Variants in KIAA0586 observed in about 807,000 individuals in gnomAD.
KIAA0586 encodes KIAA0586, also known as protein TALPID3.
KIAA0586 carries 144 observed loss-of-function variants against 169.8 expected under a neutral mutation model. That is an observed-to-expected ratio of 0.85 (90% CI 0.74 to 0.97). The LOEUF (loss-of-function observed/expected upper bound fraction) is 0.97, where lower values mean the gene tolerates loss of function less well. Ranked by LOEUF, KIAA0586 falls within the 50% of genes least tolerant of loss-of-function variation. The pLI is 0.00. For missense variants in KIAA0586, 1,854 were observed against 1,823.0 expected (o/e 1.02, Z -0.31); for synonymous variants, 625 against 612.4 (o/e 1.02, Z -0.30).
In KIAA0586 at chr14:58,548,748, G is replaced by A. The variant is rs2047127704; in HGVS notation, c.*816G>A. 6.6e-6 allele frequency: 1 copy of A among 152,106 alleles called. No individual in the cohort carries two copies. The highest frequency in any genetic ancestry group is 2.4e-5 in the African/African-American group (1 of 41,392). The allele number at this position is 152,106 out of a possible 1,614,324, so 9.4% of individuals were successfully genotyped here. A position where few individuals can be genotyped will look rare whatever the true frequency, so the allele number is the denominator to read the frequency against. On this transcript the variant is annotated 3_prime_UTR_variant, in exon 31 of 31. Coordinates refer to ENST00000652326, the MANE Select transcript of KIAA0586 (RefSeq NM_001329943.3). ...ATACCATATAAACCTTTATAAACCT[G>A]TGAAACATGTAACTCTATTACCTTT...
At chr14:58,537,982 T>A (rs942882356) in intron 29 of KIAA0586, among the ~76,000 whole-genome samples, 9 of 152,090 alleles carry the variant, frequency 5.9e-5, no homozygotes, top group Admixed American at 1.3e-4. Flanking sequence ...AAAGATTTTT[T>A]AAAATTGTAT....
intron 21 of KIAA0586, among the ~76,000 whole-genome samples, chr14:58,483,723 T>C (rs2042188847): frequency 6.6e-6 from 1 of 152,208 alleles, no homozygotes. Flanking sequence ...TAATCTATTA[T>C]AGCAATATGA....
At position 58,444,052 on chromosome 14, in the gene KIAA0586, A is replaced by G; in HGVS notation, c.684A>G (p.Gln228=). 6.2e-7 allele frequency: 1 copy of G among 1,613,248 alleles called. No homozygotes were observed. Among genetic ancestry groups the G allele is most frequent in the Non-Finnish European group, 8.5e-7 (1 of 1,179,390 alleles). ...ACCTGCAACGTGTTACAGAGCAGCA[A>G]ACAAGCATTCAGAGGAAACAAGAGA... ...DKHLQRVTEQ[Q]TSIQRKQEKL... The change falls in exon 6 of 31, where the codon CAA becomes CAG. Residue 228 remains glutamine, a synonymous_variant. Coordinates refer to ENST00000652326, the MANE Select transcript of KIAA0586 (RefSeq NM_001329943.3).
intron 4 of KIAA0586, chr14:58,441,234 C>A: frequency 3.0e-6 from 1 of 329,822 alleles, no homozygotes; most frequent in Non-Finnish European, 6.2e-6. Flanking sequence ...CTCACTTTGT[C>A]TCACAGGCTG....
intron 8 of KIAA0586, among the ~76,000 whole-genome samples, chr14:58,451,142 CCAT>C (rs2039344106): frequency 1.3e-5 from 2 of 152,128 alleles, no homozygotes; most frequent in Middle Eastern, 6.8e-3. Context: ...GCGCCCACCA[CCAT>C]ACCTGGTTAA....
At chr14:58,558,099 C>T in the KIAA0586 span, among the ~76,000 whole-genome samples, 2 of 151,488 alleles carry the variant, frequency 1.3e-5, no homozygotes, top group African/African-American at 4.9e-5. Context: ...TTAGTTGAGA[C>T]AGGGTTTCAC....
chr14:58,558,683 A>G, the KIAA0586 span, among the ~76,000 whole-genome samples: 1 of 152,358 alleles, frequency 6.6e-6, no homozygotes, highest in South Asian at 2.1e-4. Flanking sequence ...CATGGAGGGA[A>G]TGGAAGACAA....
intron 16 of KIAA0586, among the ~76,000 whole-genome samples, chr14:58,468,853 C>T (rs922499781): frequency 6.6e-6 from 1 of 152,206 alleles, no homozygotes; most frequent in Non-Finnish European, 1.5e-5. Context: ...CACTCCAGTC[C>T]TTAGACTGCT....
chr14:58,455,854 T>C (rs1196503096), intron 9 of KIAA0586, among the ~76,000 whole-genome samples: 1 of 152,196 alleles, frequency 6.6e-6, no homozygotes, highest in Non-Finnish European at 1.5e-5. Flanking sequence ...GGCATGTACA[T>C]AGCCCTGTAT....
At chr14:58,452,511 A>T (rs1467995838) in intron 8 of KIAA0586, among the ~76,000 whole-genome samples, 1 of 152,240 alleles carries the variant, frequency 6.6e-6, no homozygotes, top group Non-Finnish European at 1.5e-5. Context: ...TACTACATAC[A>T]AACAAGGCTA....
intron 29 of KIAA0586, among the ~76,000 whole-genome samples, chr14:58,514,048 T>G (rs1263765168): frequency 6.6e-6 from 1 of 152,030 alleles, no homozygotes; most frequent in East Asian, 1.9e-4. Flanking sequence ...CTAAAACAAA[T>G]AAATACCAGT....
intron 9 of KIAA0586, among the ~76,000 whole-genome samples, chr14:58,453,817 G>T (rs926168009): frequency 2.7e-4 from 41 of 152,156 alleles, no homozygotes; most frequent in Middle Eastern, 3.4e-3. Context: ...AATGATTGTT[G>T]TAGTTAAATA....
At chr14:58,526,195 C>T (rs1297395276) in intron 29 of KIAA0586, among the ~76,000 whole-genome samples, 3 of 152,236 alleles carry the variant, frequency 2.0e-5, no homozygotes, top group East Asian at 1.9e-4. Flanking sequence ...CCCAGCATAG[C>T]GCTCAAGCTT....
In KIAA0586 at chr14:58,541,519, T is replaced by A. The variant is rs114526905; in HGVS notation, c.4495+1383T>A. Reference sequence around the variant, plus strand: ...AGTCTGGTAAGTGCTGCAATCAGAATAAGACAGCCACAATTAACAGGAGAG... The same window carrying A: ...AGTCTGGTAAGTGCTGCAATCAGAAAAAGACAGCCACAATTAACAGGAGAG... On this transcript the variant is annotated intron_variant, in intron 30 of 30. Coordinates refer to ENST00000652326, the MANE Select transcript of KIAA0586 (RefSeq NM_001329943.3). Among the ~76,000 whole-genome samples the A allele has an allele frequency of 9.1e-3, 1,381 of 152,230 alleles. 21 individuals are homozygous for A. The highest frequency in any genetic ancestry group is 0.032 in the African/African-American group (1,312 of 41,520).
At chr14:58,556,199 G>C (rs1017244604), downstream of KIAA0586, among the ~76,000 whole-genome samples, 13 of 152,180 alleles carry the variant, frequency 8.5e-5, no homozygotes, top group Non-Finnish European at 1.9e-4. Context: ...CTTTGCCAAA[G>C]TGCAAGACCA....
At chr14:58,537,280 C>G (rs541509223) in intron 29 of KIAA0586, 1 of 634,622 alleles carries the variant, frequency 1.6e-6, no homozygotes, top group African/African-American at 2.0e-5. Flanking sequence ...AGATCCTCCC[C>G]CAGTTTTGAC....
At chr14:58,484,078 GAA>G (rs949139582) in intron 21 of KIAA0586, among the ~76,000 whole-genome samples, 1 of 152,108 alleles carries the variant, frequency 6.6e-6, no homozygotes, top group African/African-American at 2.4e-5. Flanking sequence ...GATTGGATGA[GAA>G]AATGTGGGAA....
Position 58,492,199 on chromosome 14 carries a change from A to G in KIAA0586, c.3914A>G (p.His1305Arg), listed in dbSNP as rs966912655. ...QVIRMSHKKF[H>R]ADAILSFAKQ... ...ATTAGGATGTCCCATAAAAAATTTC[A>G]TGCAGATGCAATTCTTTCTTTTGCT... The change falls in exon 26 of 31, where the codon CAT becomes CGT. Residue 1305 changes from histidine (H) to arginine (R), a missense_variant. By Grantham distance (29) the His-to-Arg change is conservative. Transcript: ENST00000652326. 8 of 1,550,316 alleles carry G rather than the reference A, an allele frequency of 5.2e-6. No homozygotes were observed. Among genetic ancestry groups the G allele is most frequent in the African/African-American group, 1.4e-5 (1 of 73,012 alleles).
intron 25 of KIAA0586, among the ~76,000 whole-genome samples, chr14:58,491,111 A>G (rs1216090089): frequency 6.6e-6 from 1 of 152,206 alleles, no homozygotes; most frequent in Non-Finnish European, 1.5e-5. Flanking sequence ...TCAGAGAAGC[A>G]TTACTAACAT....
Sources: gnomAD v4.1 joint callset for allele counts (sites outside exome capture counted in the v4.1 genomes callset) on GRCh38, gnomAD v4.1.1 for gene constraint, MANE v1.5 for transcripts, NCBI Gene and HGNC (gene_info 2026-07-23, HGNC 2026-07-21) for gene names.